Variants in VWF observed in about 807,000 individuals in gnomAD.
VWF encodes Factor VIII related antigen.
VWF carries 176 observed loss-of-function variants against 308.6 expected under a neutral mutation model. The ratio of observed to expected loss-of-function variants is 0.57; its 90% confidence interval spans 0.50 to 0.65. The LOEUF is 0.65. Ranked by LOEUF, VWF falls within the 30% of genes least tolerant of loss-of-function variation. VWF has a pLI of 0.00. For missense variants in VWF, 3,146 were observed against 3,648.2 expected, an observed-to-expected ratio of 0.86 and a Z score of 3.55; for synonymous variants, 1,385 against 1,443.4, an observed-to-expected ratio of 0.96 and a Z score of 0.92.
In VWF at chr12:6,068,558, C is replaced by T. The variant is rs939299739; in HGVS notation, c.1156+2739G>A. ...CATCTCGGCTCACTGAAGACTCTAT[C>T]TCCGGGGCTCTCACAATTCTCCTGC... On this transcript the variant is annotated intron_variant, in intron 10 of 51. Transcript: ENST00000261405. 5.3e-5 allele frequency among the ~76,000 whole-genome samples: 8 copies of T among 152,154 alleles called. No homozygotes were observed. The South Asian group carries it at 1.7e-3, about 32-fold the overall frequency.
intron 6 of VWF, among the ~76,000 whole-genome samples, chr12:6,094,879 A>ATTTTTTTT (rs386375484): frequency 2.9e-5 from 3 of 104,962 alleles, no homozygotes; most frequent in Non-Finnish European, 5.5e-5. Context: ...TGCCCAGCTA[A>ATTTTTTTT]TTTTTTTTTT....
rs1431748200 is a variant in VWF at position 6,057,044 on chromosome 12, G to A, written c.1758C>T (p.Val586=). The change falls in exon 15 of 52, where the codon GTC becomes GTT. Residue 586 remains valine, a synonymous_variant. Coordinates refer to ENST00000261405, the MANE Select transcript of VWF (RefSeq NM_000552.5). ...MTRFSEEACA[V]LTSPTFEACH... The stretch of plus-strand genomic sequence containing the variant: ...AGGCCTCGAATGTGGGGGACGTCAG[G>A]ACCGCGCACGCCTCCTCGGAGAACC... The A allele has an allele frequency of 6.5e-7, 1 of 1,545,546 alleles. No homozygotes were observed. The highest frequency in any genetic ancestry group is 8.7e-7 in the Non-Finnish European group (1 of 1,151,626).
intron 3 of VWF, among the ~76,000 whole-genome samples, chr12:6,111,607 G>A (rs1005705327): frequency 1.3e-5 from 2 of 152,082 alleles, no homozygotes; most frequent in African/African-American, 2.4e-5. Context: ...GCTCCTTGGT[G>A]CGAGTAATTA....
At chr12:5,976,312 G>T (rs772648245) in intron 42 of VWF, 52 bp from the exon 43 acceptor site, 3 of 1,612,286 alleles carry the variant, frequency 1.9e-6, no homozygotes, top group African/African-American at 2.7e-5. Context: ...TGAAACAAGC[G>T]GTGAGTTAGC....
At chr12:5,953,159 G>A (rs531910206) in intron 48 of VWF, among the ~76,000 whole-genome samples, 3 of 152,122 alleles carry the variant, frequency 2.0e-5, no homozygotes, top group South Asian at 4.1e-4. Context: ...CCCAGGAGGC[G>A]GAGGTTGCAG....
intron 43 of VWF, among the ~76,000 whole-genome samples, chr12:5,973,594 G>C (rs1381680416): frequency 1.3e-5 from 2 of 152,150 alleles, no homozygotes; most frequent in Admixed American, 6.5e-5. Context: ...CGAGCTCTGG[G>C]CTCGGGTCAG....
At chr12:6,036,560 C>G (rs1944339379) in intron 18 of VWF, 69 bp from the exon 19 acceptor site, 6 of 1,442,598 alleles carry the variant, frequency 4.2e-6, no homozygotes, top group East Asian at 4.6e-5. Context: ...CCAGCCCGCT[C>G]CAGGAAGTGT....
chr12:6,040,654 G>A (rs771557067), intron 18 of VWF, among the ~76,000 whole-genome samples: 20 of 152,208 alleles, frequency 1.3e-4, no homozygotes, highest in Non-Finnish European at 2.1e-4. Context: ...ATACCATGCC[G>A]TTTCCAGGCG....
At chr12:5,985,533 T>C (rs372715641) in intron 39 of VWF, 30 bp downstream of exon 39, 335 of 1,609,566 alleles carry the variant, frequency 2.1e-4, no homozygotes, top group Non-Finnish European at 2.8e-4. Flanking sequence ...TGTTCCTCCA[T>C]GAAGGCACCA....
intron 38 of VWF, among the ~76,000 whole-genome samples, chr12:5,989,633 A>G (rs1288116901): frequency 1.3e-5 from 2 of 152,214 alleles, no homozygotes; most frequent in Admixed American, 1.3e-4. Flanking sequence ...TTGAATGCAT[A>G]TTCTAATGTG....
intron 9 of VWF, among the ~76,000 whole-genome samples, chr12:6,071,725 C>T (rs1341862815): frequency 1.3e-5 from 2 of 152,116 alleles, no homozygotes; most frequent in Admixed American, 1.3e-4. Context: ...GGGCGGTGGC[C>T]GACTGAGAAC....
rs774283120 is a variant in VWF at position 6,103,381 on chromosome 12, T to TAC, written c.532+6991_532+6992dup. Reference sequence around the variant, plus strand: ...ATACATATATATGTGTGTGTGTGTATACACGTGTGTGTATACACGTGTGTG... The same window carrying TAC: ...ATACATATATATGTGTGTGTGTGTATACACACGTGTGTGTATACACGTGTGTG... On this transcript the variant is annotated intron_variant, in intron 5 of 51. Coordinates refer to ENST00000261405, the MANE Select transcript of VWF (RefSeq NM_000552.5). Among the ~76,000 whole-genome samples, 214 of 130,506 alleles carry TAC rather than the reference T, an allele frequency of 1.6e-3. 2 individuals are homozygous for TAC. Among genetic ancestry groups the TAC allele is most frequent in the Middle Eastern group, 7.5e-3 (2 of 266 alleles). The allele number at this position is 130,506 out of a possible 152,430, so 85.6% of individuals were successfully genotyped here. A position where few individuals can be genotyped will look rare whatever the true frequency, so the allele number is the denominator to read the frequency against.
intron 50 of VWF, 135 bp from the exon 51 acceptor site, chr12:5,950,018 A>T: frequency 1.3e-6 from 1 of 760,328 alleles, no homozygotes; most frequent in Non-Finnish European, 2.3e-6. Flanking sequence ...CAGGGAGGGA[A>T]TTCAGTTATC....
chr12:5,971,533 G>A (rs1027964938), intron 44 of VWF, 66 bp downstream of exon 44: 10 of 1,306,208 alleles, frequency 7.7e-6, no homozygotes, highest in Non-Finnish European at 1.1e-5. Flanking sequence ...ATGAAACCAA[G>A]GTCAACGCTG....
rs61748480 is a variant in VWF, at chr12:6,036,492, C to G, written c.2443-1G>C. On this transcript the variant is annotated splice_acceptor_variant, in intron 18 of 51. Transcript: ENST00000261405. LOFTEE classifies it high-confidence loss of function. ...CCACACATCTGTTCTCATGCCGGAC[C>G]TAAGAGAAAAGAATCCAAAAGTCCT... 2.5e-6 allele frequency: 4 copies of G among 1,614,126 alleles called. No homozygotes were observed. Among genetic ancestry groups the G allele is most frequent in the South Asian group, 2.2e-5 (2 of 91,080 alleles).
At chr12:6,116,942 G>T (rs1327742376) in intron 3 of VWF, among the ~76,000 whole-genome samples, 1 of 152,104 alleles carries the variant, frequency 6.6e-6, no homozygotes, top group Non-Finnish European at 1.5e-5. Flanking sequence ...AAACTGCAGG[G>T]CCCAAGTCCT....
intron 47 of VWF, among the ~76,000 whole-genome samples, chr12:5,964,198 CAGAG>C (rs1169029504): frequency 1.6e-5 from 2 of 126,704 alleles, no homozygotes; most frequent in Non-Finnish European, 3.4e-5. Context: ...GCCTGGGCGA[CAGAG>C]AGAGACTCTG....
chr12:6,113,950 T>C (rs1945337968), intron 3 of VWF, among the ~76,000 whole-genome samples: 1 of 152,250 alleles, frequency 6.6e-6, no homozygotes, highest in Non-Finnish European at 1.5e-5. Context: ...ACCTGCCAGA[T>C]GGCAGACAAA....
At chr12:6,106,344 A>G (rs1403936505) in intron 5 of VWF, among the ~76,000 whole-genome samples, 1 of 152,228 alleles carries the variant, frequency 6.6e-6, no homozygotes, top group Non-Finnish European at 1.5e-5. Flanking sequence ...CCACAAAAAG[A>G]CAAATGCTGT....
Sources: gnomAD v4.1 joint callset for allele counts (sites outside exome capture counted in the v4.1 genomes callset) on GRCh38, gnomAD v4.1.1 for gene constraint, MANE v1.5 for transcripts, NCBI Gene and HGNC (gene_info 2026-07-23, HGNC 2026-07-21) for gene names.